USP3: variants seen among roughly 807,000 people sequenced by gnomAD.
USP3 encodes the protein ubiquitin specific peptidase 3.
In USP3, 20 loss-of-function variants were observed where a neutral mutation model predicts 72.3. That is an observed-to-expected ratio of 0.28 (90% confidence interval 0.19 to 0.40). The LOEUF is 0.40. Among genes scored for constraint, USP3 ranks in the 10% least tolerant of loss-of-function variants. USP3 has a pLI of 1.00. For synonymous variants in USP3, 222 were observed against 225.3 expected (o/e 0.99, Z 0.13); for missense variants, 479 against 633.9 (o/e 0.76, Z 2.62).
Position 63,568,417 on chromosome 15 carries a change from C to T in USP3, c.762-2016C>T, listed in dbSNP as rs190761710. On this transcript the variant is annotated intron_variant, in intron 8 of 14. Coordinates refer to ENST00000380324, the MANE Select transcript of USP3 (RefSeq NM_006537.4). ...TCTGTTTTCTTTTCTCCTGTACTTC[C>T]GGTCTGTCACAGGGACACTAGTTCT... Among the ~76,000 whole-genome samples, 15 of 151,856 alleles carry T rather than the reference C, an allele frequency of 9.9e-5. No homozygotes were observed. In the East Asian group the frequency reaches 1.7e-3, roughly 18 times the overall value.
chr15:63,574,835 C>T lies in USP3; in HGVS notation c.1096+432C>T, dbSNP rs1477402568. Among the ~76,000 whole-genome samples, 2 of 152,166 alleles carry T rather than the reference C, an allele frequency of 1.3e-5. No homozygotes were observed. Among genetic ancestry groups the T allele is most frequent in the African/African-American group, 2.4e-5 (1 of 41,438 alleles). ...ATACAACTGCTGCTTAAGCCTGAGG[C>T]CCTGCTTTTAAGACTGTTAAAATTC... On this transcript the variant is annotated intron_variant, in intron 11 of 14. Transcript: ENST00000380324. The surrounding 1 kb of genome is among the most constrained non-coding windows in gnomAD (Gnocchi z 4.6).
intron 8 of USP3, among the ~76,000 whole-genome samples, chr15:63,563,226 G>A (rs1308014345): frequency 6.6e-6 from 1 of 152,098 alleles, no homozygotes; most frequent in African/African-American, 2.4e-5. Flanking sequence ...TTAACAAGAG[G>A]TGGGGTATTT....
chr15:63,526,980 G>T (rs1392008927), intron 1 of USP3, among the ~76,000 whole-genome samples: 1 of 152,118 alleles, frequency 6.6e-6, no homozygotes, highest in African/African-American at 2.4e-5. Flanking sequence ...CTGCAGCCTT[G>T]ACTTCCTGGG....
rs2066822000 is a variant in USP3, at chr15:63,574,049, T to C, written c.912T>C (p.Asn304=). 1 of 1,569,284 alleles carries C rather than the reference T, an allele frequency of 6.4e-7. No individual in the cohort carries two copies. Among genetic ancestry groups the C allele is most frequent in the East Asian group, 2.3e-5 (1 of 44,042 alleles). ...CCTGTGTGGTGATTTTGTTTAGAAATGGAGCATCTACTGTTGTCACGGCTA... is the reference window on the plus strand; with the variant it reads ...CCTGTGTGGTGATTTTGTTTAGAAACGGAGCATCTACTGTTGTCACGGCTA... ...TLSASNKCCI[N]GASTVVTAIF... The change falls in exon 10 of 15, where the codon AAT becomes AAC. Residue 304 remains asparagine (N), a synonymous_variant. Transcript: ENST00000380324. The surrounding 1 kb of genome is among the most constrained non-coding windows in gnomAD (Gnocchi z 4.6).
intron 1 of USP3, among the ~76,000 whole-genome samples, chr15:63,507,358 A>C (rs182472422): frequency 6.6e-6 from 1 of 152,152 alleles, no homozygotes; most frequent in Non-Finnish European, 1.5e-5. Flanking sequence ...AAATAGTTCT[A>C]TTTTCTTTGA....
Position 63,504,630 on chromosome 15 carries a change from C to T in USP3, c.-110C>T, listed in dbSNP as rs2065682872. The T allele has an allele frequency of 4.2e-6, 4 of 944,072 alleles. No individual in the cohort carries two copies. Among genetic ancestry groups the T allele is most frequent in the East Asian group, 3.2e-5 (1 of 31,434 alleles). 58.5% of individuals were successfully genotyped at this position (944,072 alleles called of 1,614,324 possible). On this transcript the variant is annotated 5_prime_UTR_variant, in exon 1 of 15. Transcript: ENST00000380324. ...CAAGGGCTCGAGACGCAGCCGCCGT[C>T]GGCCGAGCGCCCGGCTAGAAGCGAC...
intron 3 of USP3, among the ~76,000 whole-genome samples, chr15:63,547,254 A>G (rs993412005): frequency 2.6e-5 from 4 of 152,226 alleles, no homozygotes; most frequent in Non-Finnish European, 5.9e-5. Flanking sequence ...ATAGTAATAT[A>G]TACAACTTGT....
chr15:63,527,571 C>CT (rs1397075823), intron 1 of USP3, among the ~76,000 whole-genome samples: 1 of 152,178 alleles, frequency 6.6e-6, no homozygotes, highest in African/African-American at 2.4e-5. Flanking sequence ...CAAATATCCT[C>CT]TATTATGAGA....
Position 63,537,015 on chromosome 15 carries a change from T to C in USP3, c.153-10T>C. 1.9e-6 allele frequency: 3 copies of C among 1,604,188 alleles called. No homozygotes were observed. The highest frequency in any genetic ancestry group is 2.5e-6 in the Non-Finnish European group (3 of 1,176,712). On this transcript the variant is annotated splice_polypyrimidine_tract_variant and intron_variant, in intron 2 of 14. Transcript: ENST00000380324. ...ATATTTAAAGTAAATTTTCATTTGG[T>C]TTTTGTAAGGTATGTGAATGGCCAT...
At position 63,563,739 on chromosome 15, in the gene USP3, G is replaced by C. The variant is rs145327726; in HGVS notation, c.761+731G>C. Among the ~76,000 whole-genome samples the C allele has an allele frequency of 9.3e-4, 141 of 152,154 alleles. 1 individual carries two copies. The highest frequency in any genetic ancestry group is 3.2e-3 in the African/African-American group (133 of 41,500). ...ATGGTTCTTACTAGTTATGATTTTG[G>C]CACCTAATATACATCCCTTCTACTT... is the stretch of plus-strand genomic sequence containing the variant. On this transcript the variant is annotated intron_variant, in intron 8 of 14. Coordinates refer to ENST00000380324, the MANE Select transcript of USP3 (RefSeq NM_006537.4).
At chr15:63,589,829 AAATCACC>A (rs1419605909) in intron 14 of USP3, among the ~76,000 whole-genome samples, 2 of 152,192 alleles carry the variant, frequency 1.3e-5, no homozygotes. Context: ...CTACTTTTCC[AAATCACC>A]AATTTGGGTT....
chr15:63,506,363 A>G (rs2065713014), intron 1 of USP3, among the ~76,000 whole-genome samples: 1 of 94,376 alleles, frequency 1.1e-5, no homozygotes, highest in African/African-American at 5.8e-5. Flanking sequence ...CCCAAAAGAA[A>G]TTTGAAGAAA....
chr15:63,545,991 A>AAAAAAAAAG, intron 3 of USP3, among the ~76,000 whole-genome samples: 1 of 148,416 alleles, frequency 6.7e-6, no homozygotes, highest in African/African-American at 2.5e-5. Context: ...AAAAAAAAAA[A>AAAAAAAAAG]AAAACAGTAG....
intron 1 of USP3, among the ~76,000 whole-genome samples, chr15:63,520,986 C>G (rs932350976): frequency 1.8e-4 from 28 of 152,094 alleles, no homozygotes; most frequent in African/African-American, 6.0e-4. Flanking sequence ...ATGTCACTAC[C>G]TAATGCCGGC....
chr15:63,568,112 T>G (rs1270019894), intron 8 of USP3, among the ~76,000 whole-genome samples: 1 of 152,090 alleles, frequency 6.6e-6, no homozygotes, highest in East Asian at 1.9e-4. Flanking sequence ...CCCAGCACTT[T>G]GGGAGGCCGA....
intron 1 of USP3, among the ~76,000 whole-genome samples, chr15:63,521,091 A>G (rs1189944358): frequency 7.0e-6 from 1 of 142,614 alleles, no homozygotes; most frequent in Non-Finnish European, 1.5e-5. Context: ...GCAGGTGGGT[A>G]TTTTCTTTTT....
At chr15:63,558,221 A>G (rs780270225) in intron 6 of USP3, 33 bp downstream of exon 6, 26 of 1,609,480 alleles carry the variant, frequency 1.6e-5, no homozygotes, top group Non-Finnish European at 1.7e-5. Context: ...AGTGTCTGAC[A>G]TTAAAGGTTA....
chr15:63,536,982 C>T (rs1296044469), intron 2 of USP3, 43 bp from the exon 3 acceptor site: 2 of 1,575,030 alleles, frequency 1.3e-6, no homozygotes, highest in Non-Finnish European at 1.7e-6. Flanking sequence ...CCTTTAATTT[C>T]CAAAGCAATA....
chr15:63,532,999 C>T (rs542467216), intron 2 of USP3, among the ~76,000 whole-genome samples: 2 of 152,242 alleles, frequency 1.3e-5, no homozygotes, highest in Admixed American at 1.3e-4. Context: ...TCTTGAAGTA[C>T]AAATTTACCT....
Sources: allele counts gnomAD v4.1 joint callset (sites outside exome capture counted in the v4.1 genomes callset), GRCh38; gene constraint gnomAD v4.1.1; non-coding constraint Gnocchi (gnomAD v3.1); transcripts MANE v1.5; gene names NCBI Gene and HGNC (gene_info 2026-07-23, HGNC 2026-07-21).